CNBD1: variants seen among roughly 807,000 people sequenced by gnomAD.
CNBD1 encodes the protein cyclic nucleotide binding domain containing 1, also known as cyclic nucleotide-binding domain-containing protein 1.
A neutral mutation model predicts 54.4 loss-of-function variants in CNBD1; 71 were observed. That is an observed-to-expected ratio of 1.30 (90% confidence interval 1.08 to 1.59). CNBD1 has a LOEUF of 1.59. Among genes scored for constraint, CNBD1 ranks in the 40% most tolerant of loss-of-function variants. The probability of loss-of-function intolerance (pLI) is 0.00; values close to 1 mark genes in which losing one functional copy is unlikely to be tolerated. For missense variants in CNBD1, 659 were observed against 518.0 expected (o/e 1.27, Z -2.64); for synonymous variants, 182 against 170.7 (o/e 1.07, Z -0.51).
intron 2 of CNBD1, among the ~76,000 whole-genome samples, chr8:87,411,797 T>C (rs1370076566): frequency 1.3e-5 from 2 of 151,882 alleles, no homozygotes. Flanking sequence ...ATAATATTGA[T>C]ATGATAAATG....
At chr8:87,321,777 C>A (rs896459648) in intron 8 of CNBD1, among the ~76,000 whole-genome samples, 2 of 149,136 alleles carry the variant, frequency 1.3e-5, no homozygotes, top group African/African-American at 4.9e-5. Flanking sequence ...AGACCAATGT[C>A]ATCAGGCTTT....
At chr8:87,387,558 A>G (rs1811215766), downstream of CNBD1, among the ~76,000 whole-genome samples, 1 of 152,204 alleles carries the variant, frequency 6.6e-6, no homozygotes, top group African/African-American at 2.4e-5. Flanking sequence ...AGAGCTAACT[A>G]TCCTAAACAT....
At chr8:87,137,021 ATATAT>A (rs1203320206) in intron 4 of CNBD1, among the ~76,000 whole-genome samples, 65 of 110,750 alleles carry the variant, frequency 5.9e-4, no homozygotes, top group Non-Finnish European at 7.8e-4. Flanking sequence ...TGTAAATTAT[ATATAT>A]TATATTTATA....
intron 3 of CNBD1, among the ~76,000 whole-genome samples, chr8:86,921,919 A>T (rs1809281234): frequency 6.6e-6 from 1 of 152,084 alleles, no homozygotes; most frequent in African/African-American, 2.4e-5. Flanking sequence ...ACAGGGTCTG[A>T]GTAAGAGGTG....
intron 4 of CNBD1, among the ~76,000 whole-genome samples, chr8:87,086,300 T>A (rs976814026): frequency 1.3e-5 from 2 of 152,224 alleles, no homozygotes; most frequent in Non-Finnish European, 2.9e-5. Flanking sequence ...TGCTCCTCTG[T>A]CCTTGGAGAC....
At chr8:86,934,367 A>G (rs73269883) in intron 3 of CNBD1, among the ~76,000 whole-genome samples, 238 of 152,282 alleles carry the variant, frequency 1.6e-3, no homozygotes, top group African/African-American at 4.8e-3. Flanking sequence ...TTGAACTTTT[A>G]TACCAATTTT....
chr8:87,007,791 G>A (rs1403307899), intron 4 of CNBD1, among the ~76,000 whole-genome samples: 1 of 152,056 alleles, frequency 6.6e-6, no homozygotes, highest in Admixed American at 6.6e-5. Context: ...ATTAATATTT[G>A]TTTTTACTAA....
At chr8:87,175,466 C>A (rs1813177884) in intron 4 of CNBD1, among the ~76,000 whole-genome samples, 1 of 152,128 alleles carries the variant, frequency 6.6e-6, no homozygotes, top group Non-Finnish European at 1.5e-5. Flanking sequence ...AGTGATGAAT[C>A]CTGCCAGGAC....
At chr8:87,364,588 C>T (rs575605405) in intron 10 of CNBD1, among the ~76,000 whole-genome samples, 6 of 151,412 alleles carry the variant, frequency 4.0e-5, no homozygotes, top group African/African-American at 1.5e-4. Context: ...TTTTTGTCAC[C>T]TAGGTATCAA....
At chr8:87,020,770 C>A (rs1809471896) in intron 4 of CNBD1, among the ~76,000 whole-genome samples, 1 of 152,112 alleles carries the variant, frequency 6.6e-6, no homozygotes, top group Non-Finnish European at 1.5e-5. Flanking sequence ...ATAGAGAATC[C>A]CCTTGCCCCT....
intron 3 of CNBD1, among the ~76,000 whole-genome samples, chr8:86,926,293 TGCAGTTGTAG>T (rs1809359489): frequency 6.6e-6 from 1 of 152,118 alleles, no homozygotes; most frequent in Non-Finnish European, 1.5e-5. Context: ...GAAGGGGCCC[TGCAGTTGTAG>T]TGTCCTCCAG....
chr8:87,058,264 CCTCAGT>C (rs1436684155), intron 4 of CNBD1, among the ~76,000 whole-genome samples: 1 of 152,186 alleles, frequency 6.6e-6, no homozygotes, highest in Non-Finnish European at 1.5e-5. Flanking sequence ...TGCGTACAAT[CCTCAGT>C]CCCAGCTGCT....
chr8:86,996,489 T>C (rs1206200603), intron 4 of CNBD1, among the ~76,000 whole-genome samples: 1 of 152,256 alleles, frequency 6.6e-6, no homozygotes, highest in Non-Finnish European at 1.5e-5. Flanking sequence ...AAAACATTCC[T>C]CACATTGCTG....
chr8:86,995,310 A>C (rs188154159), intron 4 of CNBD1, among the ~76,000 whole-genome samples: 2 of 152,228 alleles, frequency 1.3e-5, no homozygotes, highest in African/African-American at 4.8e-5. Flanking sequence ...TTAAACGTTA[A>C]GATAGTAAAT....
chr8:87,261,183 G>T (rs1378869325), intron 6 of CNBD1, among the ~76,000 whole-genome samples: 1 of 152,058 alleles, frequency 6.6e-6, no homozygotes, highest in African/African-American at 2.4e-5. Context: ...ACCCAGTTTG[G>T]ATGAGAAATG....
chr8:87,171,306 G>A (rs985220251), intron 4 of CNBD1, among the ~76,000 whole-genome samples: 46 of 151,870 alleles, frequency 3.0e-4, no homozygotes, highest in African/African-American at 1.1e-3. Flanking sequence ...TATGTTGGTG[G>A]CATATAGTTC....
intron 6 of CNBD1, among the ~76,000 whole-genome samples, chr8:87,258,890 G>C (rs564073745): frequency 6.6e-6 from 1 of 152,082 alleles, no homozygotes; most frequent in Non-Finnish European, 1.5e-5. Context: ...TTCACACAGA[G>C]TGTTTTCACA....
chr8:86,985,034 C>T (rs112086055), intron 4 of CNBD1, among the ~76,000 whole-genome samples: 24 of 152,192 alleles, frequency 1.6e-4, no homozygotes, highest in African/African-American at 5.1e-4. Flanking sequence ...GGGAGGGATC[C>T]AGTGGGAGGT....
intron 2 of CNBD1, among the ~76,000 whole-genome samples, chr8:87,404,426 CA>C (rs1807620127): frequency 6.6e-6 from 1 of 151,946 alleles, no homozygotes; most frequent in Admixed American, 6.6e-5. Flanking sequence ...TTATTCTTGA[CA>C]AAATTGGGTA....
Sources: gnomAD v4.1 joint callset for allele counts (sites outside exome capture counted in the v4.1 genomes callset) on GRCh38, gnomAD v4.1.1 for gene constraint, MANE v1.5 for transcripts, NCBI Gene and HGNC (gene_info 2026-07-23, HGNC 2026-07-21) for gene names.